Variants in ANK3 observed in about 807,000 individuals in gnomAD.
ANK3 encodes the protein ankyrin 3, also known as ankyrin-3.
A neutral mutation model predicts 370.9 loss-of-function variants in ANK3; 57 were observed. The observed-to-expected ratio is 0.15, with a 90% confidence interval of 0.12 to 0.19. The LOEUF (loss-of-function observed/expected upper bound fraction) is 0.19, where lower values mean the gene tolerates loss of function less well. ANK3 is among the 10% of genes least tolerant of loss of function. ANK3 has a pLI of 1.00. For missense variants in ANK3, 4,439 were observed against 5,302.1 expected, an observed-to-expected ratio of 0.84 and a Z score of 5.06; for synonymous variants, 1,929 against 1,946.3, an observed-to-expected ratio of 0.99 and a Z score of 0.23.
intron 21 of ANK3, 108 bp downstream of exon 21, chr10:60,172,200 C>A: frequency 1.3e-6 from 1 of 786,340 alleles, no homozygotes; most frequent in Non-Finnish European, 2.1e-6. Flanking sequence ...TATTTTAAAA[C>A]ATGGTGCTTA....
chr10:60,349,885 C>T (rs10821739), intron 1 of ANK3, among the ~76,000 whole-genome samples: 57,774 of 151,924 alleles, frequency 0.38, 11,891 homozygotes, highest in Middle Eastern at 0.52. Flanking sequence ...AACAGTAAGA[C>T]AAGAAAATAG....
Position 60,695,904 on chromosome 10 carries a change from A to G in ANK3, c.57+37359T>C, listed in dbSNP as rs1374300392. ...GAAGGCAAGAAATAACTAAAATCAG[A>G]GCAGAACTGAAGGAAATAGAGACAC... On this transcript the variant is annotated intron_variant, in intron 1 of 43. Transcript: ENST00000373827. Among the ~76,000 whole-genome samples, 7 of 151,404 alleles carry G rather than the reference A, an allele frequency of 4.6e-5. No individual in the cohort carries two copies. In the South Asian group the frequency reaches 1.5e-3, roughly 32 times the overall value.
intron 7 of ANK3, among the ~76,000 whole-genome samples, chr10:60,235,354 T>C (rs577711707): frequency 1.3e-5 from 2 of 152,320 alleles, no homozygotes; most frequent in Admixed American, 1.3e-4. Context: ...TCATGAAAAC[T>C]GTAATGCTTA....
chr10:60,543,815 T>A (rs1938524), intron 2 of ANK3, among the ~76,000 whole-genome samples: 102,252 of 151,864 alleles, frequency 0.67, 34,919 homozygotes, highest in South Asian at 0.87. Flanking sequence ...TGTCAAAACC[T>A]TCAAAGTTTA....
At chr10:60,478,283 C>T (rs1305640615) in intron 2 of ANK3, among the ~76,000 whole-genome samples, 2 of 152,018 alleles carry the variant, frequency 1.3e-5, no homozygotes, top group Admixed American at 6.6e-5. Context: ...CAGAAAATTG[C>T]CATTTCTCAT....
At chr10:60,650,322 G>GT (rs2078769380) in intron 1 of ANK3, among the ~76,000 whole-genome samples, 1 of 143,280 alleles carries the variant, frequency 7.0e-6, no homozygotes, top group African/African-American at 2.6e-5. Flanking sequence ...CTGAATAGCT[G>GT]TAACAGGGAC....
At chr10:60,101,247 T>C (rs2091218227) in intron 28 of ANK3, among the ~76,000 whole-genome samples, 1 of 152,202 alleles carries the variant, frequency 6.6e-6, no homozygotes, top group Non-Finnish European at 1.5e-5. Flanking sequence ...TCCCTGGAGC[T>C]AGTGGCTACT....
intron 23 of ANK3, among the ~76,000 whole-genome samples, chr10:60,157,886 A>AAGAGAAAG (rs2095385797): frequency 7.5e-6 from 1 of 132,864 alleles, no homozygotes; most frequent in South Asian, 2.7e-4. Flanking sequence ...GAGAGAGAAA[A>AAGAGAAAG]AGAGAGAGAG....
At position 60,073,422 on chromosome 10, in the gene ANK3, G is replaced by A; in HGVS notation, c.7459C>T (p.His2487Tyr). The change falls in exon 37 of 44, where the codon CAT becomes TAT. Residue 2487 changes from histidine (H) to tyrosine (Y), a missense_variant. By Grantham distance (83) the His-to-Tyr change is moderately conservative. Coordinates refer to ENST00000280772, the MANE Select transcript of ANK3 (RefSeq NM_020987.5). ...AACTCTGAGCTAGGGGGTCCTGCAT[G>A]GTCTGTAACCGATTCCTCAGTATCA... ...HSDTEESVTD[H>Y]AGPPSSELQG... 6.2e-7 allele frequency: 1 copy of A among 1,613,794 alleles called. No individual in the cohort carries two copies. The highest frequency in any genetic ancestry group is 8.5e-7 in the Non-Finnish European group (1 of 1,179,968).
intron 2 of ANK3, among the ~76,000 whole-genome samples, chr10:60,418,269 T>C (rs1475356337): frequency 6.6e-6 from 1 of 152,166 alleles, no homozygotes; most frequent in Non-Finnish European, 1.5e-5. Flanking sequence ...AGAGCCTCAA[T>C]AAATATACAC....
chr10:60,138,995 T>C lies in ANK3; in HGVS notation c.2707A>G (p.Met903Val), dbSNP rs947259563. The change falls in exon 24 of 44, where the codon ATG (methionine) becomes GTG (valine). Residue 903 changes from methionine (M) to valine (V), a missense_variant. By Grantham distance (21) the Met-to-Val change is conservative. Transcript: ENST00000280772. ...GAACGCGCTCCGAGACTAAAGCCCA[T>C]GTAACCCTCTGCAGGCAGGGAATCA... ...GDDSLPAEGYMGFSLGARSAS... is the reference protein window; with the variant it reads ...GDDSLPAEGYVGFSLGARSAS... 3 of 1,613,714 alleles carry C rather than the reference T, an allele frequency of 1.9e-6. No homozygotes were observed. The highest frequency in any genetic ancestry group is 1.3e-5 in the African/African-American group (1 of 74,956).
rs552889415 is a variant in ANK3 at position 60,397,045 on chromosome 10, T to C, written c.97-117406A>G. Among the ~76,000 whole-genome samples, 14 of 152,172 alleles carry C rather than the reference T, an allele frequency of 9.2e-5. No individual in the cohort carries two copies. The South Asian group carries it at 2.7e-3, about 29-fold the overall frequency. On this transcript the variant is annotated intron_variant, in intron 2 of 43. Coordinates refer to the ANK3 transcript ENST00000373827. ...CTTAAAGGCAAAGGTACAAAGGAGATTGTATTTGAAGATTCAGGAGACTGT... is the reference window on the plus strand; with the variant it reads ...CTTAAAGGCAAAGGTACAAAGGAGACTGTATTTGAAGATTCAGGAGACTGT...
chr10:60,339,900 T>C (rs1199214678), intron 1 of ANK3, among the ~76,000 whole-genome samples: 1 of 152,182 alleles, frequency 6.6e-6, no homozygotes, highest in Non-Finnish European at 1.5e-5. Flanking sequence ...TGGAAAATAA[T>C]TGTCACTTCC....
chr10:60,349,624 G>A lies in ANK3; in HGVS notation c.114+39801C>T, dbSNP rs191602228. ...AAAATAACTCAAATTCTTTGGCTAC[G>A]AATAACTCTATTTATCTGCAAAAAG... On this transcript the variant is annotated intron_variant, in intron 1 of 43. Coordinates refer to ENST00000280772, the MANE Select transcript of ANK3 (RefSeq NM_020987.5). Among the ~76,000 whole-genome samples, 250 of 152,054 alleles carry A rather than the reference G, an allele frequency of 1.6e-3. 1 individual carries two copies. The highest frequency in any genetic ancestry group is 5.9e-3 in the African/African-American group (243 of 41,472).
At chr10:60,211,309 A>C (rs1162937764) in intron 9 of ANK3, among the ~76,000 whole-genome samples, 2 of 152,102 alleles carry the variant, frequency 1.3e-5, no homozygotes, top group African/African-American at 2.4e-5. Context: ...GCCCAGGCAG[A>C]ACAGAGGGCA....
intron 1 of ANK3, among the ~76,000 whole-genome samples, chr10:60,730,029 G>A (rs1386040196): frequency 6.6e-6 from 1 of 152,204 alleles, no homozygotes; most frequent in Non-Finnish European, 1.5e-5. Flanking sequence ...GCTGAGACAA[G>A]TGTCTGGGAT....
At chr10:60,081,061 T>A (rs973468407) in intron 35 of ANK3, among the ~76,000 whole-genome samples, 3 of 152,124 alleles carry the variant, frequency 2.0e-5, no homozygotes, top group African/African-American at 7.2e-5. Context: ...TGAATGGTTT[T>A]GTTAGAAGTA....
intron 1 of ANK3, among the ~76,000 whole-genome samples, chr10:60,694,047 T>C (rs2079402557): frequency 6.6e-6 from 1 of 151,960 alleles, no homozygotes. Flanking sequence ...TACAGAGAAG[T>C]GCTTAAAGGA....
intron 1 of ANK3, among the ~76,000 whole-genome samples, chr10:60,680,195 A>G (rs117435470): frequency 0.04 from 6,070 of 152,172 alleles, 158 homozygotes; most frequent in South Asian, 0.071. Flanking sequence ...GATTTTAAAA[A>G]ATATAAAACT....
Sources: allele counts gnomAD v4.1 joint callset (sites outside exome capture counted in the v4.1 genomes callset), GRCh38; gene constraint gnomAD v4.1.1; transcripts MANE v1.5; gene names NCBI Gene and HGNC (gene_info 2026-07-23, HGNC 2026-07-21).